MTFR1: variants seen among roughly 807,000 people sequenced by gnomAD.
The protein encoded by MTFR1 is mitochondrial fission regulator 1, also known as chondrocyte protein with a poly-proline region.
A neutral mutation model predicts 38.8 loss-of-function variants in MTFR1; 28 were observed. The ratio of observed to expected loss-of-function variants is 0.72; its 90% CI spans 0.53 to 0.99. The LOEUF (loss-of-function observed/expected upper bound fraction) is 0.99, where lower values mean the gene tolerates loss of function less well. Ranked by LOEUF, MTFR1 falls within the 50% of genes least tolerant of loss-of-function variation. The pLI is 0.00. For missense variants in MTFR1, 358 were observed against 395.5 expected (o/e 0.91, Z 0.81); for synonymous variants, 145 against 137.0 (o/e 1.06, Z -0.41).
chr8:65,701,604 G>T (rs1805613777), intron 4 of MTFR1, among the ~76,000 whole-genome samples: 2 of 152,142 alleles, frequency 1.3e-5, no homozygotes, highest in Admixed American at 6.5e-5. Context: ...CTTATCCTAG[G>T]ATGCTTGCAA....
At chr8:65,672,764 C>CT (rs1804598869) in intron 2 of MTFR1, among the ~76,000 whole-genome samples, 1 of 152,094 alleles carries the variant, frequency 6.6e-6, no homozygotes, top group Non-Finnish European at 1.5e-5. Flanking sequence ...ATAGAGATGG[C>CT]TTTTTTCCTT....
At chr8:65,699,717 A>G (rs1805554052) in intron 4 of MTFR1, among the ~76,000 whole-genome samples, 1 of 152,114 alleles carries the variant, frequency 6.6e-6, no homozygotes, top group African/African-American at 2.4e-5. Flanking sequence ...TGGGAGCCGC[A>G]AGTTAGTCCT....
At chr8:65,682,981 C>G (rs750836515) in intron 3 of MTFR1, 9 of 942,456 alleles carry the variant, frequency 9.5e-6, no homozygotes, top group Non-Finnish European at 1.0e-5. Flanking sequence ...ATAGTCAAAC[C>G]GTGAATCAGG....
intron 1 of MTFR1, among the ~76,000 whole-genome samples, chr8:65,662,647 G>T (rs1809470165): frequency 7.0e-6 from 1 of 143,526 alleles, no homozygotes; most frequent in Non-Finnish European, 1.6e-5. Flanking sequence ...TCTGAGAAGT[G>T]AGGAGACCCT....
intron 3 of MTFR1, among the ~76,000 whole-genome samples, chr8:65,742,659 A>G (rs1180073906): frequency 2.0e-5 from 3 of 152,210 alleles, no homozygotes; most frequent in Non-Finnish European, 1.5e-5. Flanking sequence ...TTAAAAGGAA[A>G]GCCATTCTCA....
intron 3 of MTFR1, among the ~76,000 whole-genome samples, chr8:65,738,490 T>C (rs1483396173): frequency 6.6e-6 from 1 of 152,202 alleles, no homozygotes; most frequent in Non-Finnish European, 1.5e-5. Context: ...TAGAACCAAC[T>C]AGGAGAAACT....
chr8:65,694,765 A>C lies in MTFR1; in HGVS notation c.281+1006A>C, dbSNP rs151046174. Among the ~76,000 whole-genome samples, 963 of 152,362 alleles carry C rather than the reference A, an allele frequency of 6.3e-3. 7 individuals carry two copies. The highest frequency in any genetic ancestry group is 0.022 in the African/African-American group (911 of 41,578). On this transcript the variant is annotated intron_variant, in intron 4 of 7. Coordinates refer to ENST00000262146, the MANE Select transcript of MTFR1 (RefSeq NM_014637.4). Reference sequence around the variant, plus strand: ...ACTGCAGGATGAGAGATGTTCAGCAAGACTTCTCAGGAGGAAATGCTAGAG... The same window carrying C: ...ACTGCAGGATGAGAGATGTTCAGCACGACTTCTCAGGAGGAAATGCTAGAG...
At position 65,730,577 on chromosome 8, in the gene MTFR1, C is replaced by T. The variant is rs117094893; in HGVS notation, c.*48+11096C>T. On this transcript the variant is annotated intron_variant, in intron 3 of 3. Coordinates refer to the MTFR1 transcript ENST00000521247. ...CCCCATCCAAGGAAATATTGTCTTC[C>T]GTGAAACTGGTCCCTGATGCCAAAA... is the stretch of plus-strand genomic sequence containing the variant. Among the ~76,000 whole-genome samples the T allele has an allele frequency of 6.0e-3, 906 of 152,210 alleles. 2 individuals carry two copies. Among genetic ancestry groups the T allele is most frequent in the South Asian group, 0.021 (100 of 4,814 alleles).
chr8:65,752,670 A>G (rs537793143), intron 3 of MTFR1, among the ~76,000 whole-genome samples: 1 of 152,190 alleles, frequency 6.6e-6, no homozygotes, highest in African/African-American at 2.4e-5. Context: ...TGTTCTTTCA[A>G]TATACAAATT....
chr8:65,723,503 AT>A (rs746847537), intron 3 of MTFR1: 2 of 1,412,132 alleles, frequency 1.4e-6, no homozygotes, highest in East Asian at 5.3e-5. Flanking sequence ...AAACAGTGGC[AT>A]TTTTCTAACC....
At chr8:65,685,112 T>C (rs1805033963) in intron 3 of MTFR1, among the ~76,000 whole-genome samples, 1 of 152,256 alleles carries the variant, frequency 6.6e-6, no homozygotes, top group African/African-American at 2.4e-5. Flanking sequence ...AGATGTAGTC[T>C]TCAAAATGTA....
intron 1 of MTFR1, among the ~76,000 whole-genome samples, chr8:65,655,956 A>ATATATATATGTATG (rs1585743531): frequency 4.8e-5 from 1 of 20,674 alleles, no homozygotes; most frequent in East Asian, 3.7e-4. Flanking sequence ...AAAAAAATAT[A>ATATATATATGTATG]TATATATATA....
chr8:65,761,160 G>A (rs974582177), intron 3 of MTFR1, among the ~76,000 whole-genome samples: 1 of 151,806 alleles, frequency 6.6e-6, no homozygotes, highest in Non-Finnish European at 1.5e-5. Context: ...CCCAGGTCCT[G>A]ATTCAAGCAA....
chr8:65,651,513 G>T (rs1447009154), intron 1 of MTFR1, among the ~76,000 whole-genome samples: 1 of 152,112 alleles, frequency 6.6e-6, no homozygotes. Context: ...TCATTCTTCG[G>T]TATGTGGATA....
At chr8:65,723,838 C>G (rs1429422800) in intron 3 of MTFR1, among the ~76,000 whole-genome samples, 3 of 152,078 alleles carry the variant, frequency 2.0e-5, no homozygotes, top group Non-Finnish European at 2.9e-5. Flanking sequence ...GGTGTTACCC[C>G]AAGACTGTAA....
chr8:65,655,154 G>A (rs1202217164), intron 1 of MTFR1, among the ~76,000 whole-genome samples: 1 of 152,172 alleles, frequency 6.6e-6, no homozygotes, highest in African/African-American at 2.4e-5. Flanking sequence ...CAATCACTGT[G>A]GGGTTATATT....
chr8:65,766,149 TTGGCCAGGC>T (rs1808770053), intron 3 of MTFR1, among the ~76,000 whole-genome samples: 2 of 152,336 alleles, frequency 1.3e-5, no homozygotes, highest in East Asian at 3.9e-4. Flanking sequence ...TTTCGCCATG[TTGGCCAGGC>T]TGGTCTTGAA....
chr8:65,740,619 C>T (rs1807377548), intron 3 of MTFR1, among the ~76,000 whole-genome samples: 1 of 152,130 alleles, frequency 6.6e-6, no homozygotes, highest in Admixed American at 6.5e-5. Flanking sequence ...CCAGGCTGGT[C>T]TCGAACTCCT....
chr8:65,759,289 C>T (rs1260985784), intron 3 of MTFR1, among the ~76,000 whole-genome samples: 1 of 152,198 alleles, frequency 6.6e-6, no homozygotes, highest in African/African-American at 2.4e-5. Context: ...ACAGTACTAT[C>T]TCCTTAAATC....
Sources: gnomAD v4.1 joint callset for allele counts (sites outside exome capture counted in the v4.1 genomes callset) on GRCh38, gnomAD v4.1.1 for gene constraint, MANE v1.5 for transcripts, NCBI Gene and HGNC (gene_info 2026-07-23, HGNC 2026-07-21) for gene names.